MAP2: variants seen among roughly 807,000 people sequenced by gnomAD.
MAP2 encodes the protein microtubule associated protein 2.
In MAP2, 14 loss-of-function variants were observed where a neutral mutation model predicts 137.6. The observed-to-expected ratio is 0.10, with a 90% CI of 0.07 to 0.16. The LOEUF is 0.16. Among genes scored for constraint, MAP2 ranks in the 10% least tolerant of loss-of-function variants. MAP2 has a pLI of 1.00. For missense variants in MAP2, 2,088 were observed against 2,191.5 expected, an observed-to-expected ratio of 0.95 and a Z score of 0.94; for synonymous variants, 786 against 782.3, an observed-to-expected ratio of 1.00 and a Z score of -0.08.
chr2:209,588,076 C>G (rs1261010422), intron 3 of MAP2, among the ~76,000 whole-genome samples: 1 of 152,190 alleles, frequency 6.6e-6, no homozygotes, highest in Non-Finnish European at 1.5e-5. Context: ...GATGCACATT[C>G]AAGTCGAAGC....
At chr2:209,629,304 TCCTTTAAGATAATTTTCTGTAAAATAGG>T (rs2092734789) in intron 4 of MAP2, among the ~76,000 whole-genome samples, 1 of 152,196 alleles carries the variant, frequency 6.6e-6, no homozygotes, top group South Asian at 2.1e-4. Context: ...GCAAAGTTTA[TCCTTTAAGATAATTTTCTGTAAAATAGG>T]CTGGGTTTTT....
chr2:209,581,382 AATTGC>A (rs1205996797), intron 3 of MAP2, among the ~76,000 whole-genome samples: 1 of 152,180 alleles, frequency 6.6e-6, no homozygotes, highest in African/African-American at 2.4e-5. Flanking sequence ...TGAGAAAGGA[AATTGC>A]ATTATTTCAG....
chr2:209,488,318 A>G (rs1214674798), intron 1 of MAP2, among the ~76,000 whole-genome samples: 1 of 152,104 alleles, frequency 6.6e-6, no homozygotes, highest in African/African-American at 2.4e-5. Flanking sequence ...GGGTGCCTAT[A>G]CCACAAAGGC....
At chr2:209,630,485 T>A (rs185433490) in intron 4 of MAP2, among the ~76,000 whole-genome samples, 13 of 152,228 alleles carry the variant, frequency 8.5e-5, no homozygotes, top group African/African-American at 3.1e-4. Flanking sequence ...CTGTGATCAA[T>A]GGAATAGACC....
At chr2:209,667,153 T>C (rs920647905) in intron 5 of MAP2, among the ~76,000 whole-genome samples, 1 of 152,088 alleles carries the variant, frequency 6.6e-6, no homozygotes, top group African/African-American at 2.4e-5. Flanking sequence ...ATTAACATAA[T>C]GATTGTATTA....
chr2:209,700,523 A>G (rs1343636724), intron 11 of MAP2, among the ~76,000 whole-genome samples, 185 bp downstream of exon 11: 3 of 152,196 alleles, frequency 2.0e-5, no homozygotes, highest in Admixed American at 6.6e-5. Context: ...GGGATGGCGT[A>G]TGATGGTAAT....
At chr2:209,645,687 A>G (rs2094375843) in intron 4 of MAP2, among the ~76,000 whole-genome samples, 5 of 152,222 alleles carry the variant, frequency 3.3e-5, no homozygotes, top group Non-Finnish European at 7.3e-5. Flanking sequence ...AAAATGTTAA[A>G]AGGTAATATG....
At chr2:209,491,501 A>G (rs1333317441) in intron 1 of MAP2, among the ~76,000 whole-genome samples, 2 of 152,200 alleles carry the variant, frequency 1.3e-5, no homozygotes, top group African/African-American at 4.8e-5. Context: ...AAATCAGTGA[A>G]TCCAGGAGCT....
chr2:209,548,895 G>T (rs1361453728), intron 2 of MAP2, among the ~76,000 whole-genome samples: 1 of 152,136 alleles, frequency 6.6e-6, no homozygotes, highest in East Asian at 1.9e-4. Context: ...CCCCAGCCAT[G>T]CAGAACTGTG....
At chr2:209,498,859 G>A (rs1398197272) in intron 1 of MAP2, among the ~76,000 whole-genome samples, 1 of 152,136 alleles carries the variant, frequency 6.6e-6, no homozygotes, top group African/African-American at 2.4e-5. Context: ...AGGCCTCTGG[G>A]CCTATGATGG....
intron 1 of MAP2, among the ~76,000 whole-genome samples, chr2:209,489,675 G>A: frequency 6.6e-6 from 1 of 152,240 alleles, no homozygotes; most frequent in East Asian, 1.9e-4. Flanking sequence ...AATTGATCAA[G>A]TGGAAGAAAG....
chr2:209,679,326 G>GATAC (rs2153685379), intron 6 of MAP2, among the ~76,000 whole-genome samples: 1 of 13,418 alleles, frequency 7.5e-5, no homozygotes, highest in South Asian at 1.6e-3. Context: ...CCTACTCATA[G>GATAC]ATAGATAGAT....
intron 1 of MAP2, among the ~76,000 whole-genome samples, chr2:209,428,993 G>T (rs1156489139): frequency 6.6e-6 from 1 of 150,658 alleles, no homozygotes; most frequent in African/African-American, 2.4e-5. Context: ...TCGCTCTTTC[G>T]CCCAGGCCGG....
chr2:209,454,946 C>G (rs932047008), intron 1 of MAP2, among the ~76,000 whole-genome samples: 19 of 152,170 alleles, frequency 1.2e-4, no homozygotes, highest in African/African-American at 4.6e-4. Context: ...CCAGAAGATT[C>G]AGTTCCTGGT....
intron 1 of MAP2, among the ~76,000 whole-genome samples, chr2:209,439,943 C>A (rs995240074): frequency 6.6e-6 from 1 of 151,436 alleles, no homozygotes; most frequent in African/African-American, 2.4e-5. Flanking sequence ...CACACAATAA[C>A]TTTAAAAAAT....
chr2:209,506,073 A>G (rs537113174), intron 1 of MAP2, among the ~76,000 whole-genome samples: 2 of 152,312 alleles, frequency 1.3e-5, no homozygotes, highest in South Asian at 4.1e-4. Flanking sequence ...TGTTGGCTTT[A>G]TAGCCAAAAA....
At chr2:209,674,107 GA>G (rs973496498) in intron 5 of MAP2, among the ~76,000 whole-genome samples, 2 of 149,356 alleles carry the variant, frequency 1.3e-5, no homozygotes, top group African/African-American at 4.9e-5. Context: ...CTTTGCCTTG[GA>G]AAAAAAAATA....
intron 12 of MAP2, among the ~76,000 whole-genome samples, chr2:209,706,349 C>T (rs1322836096): frequency 2.0e-5 from 3 of 152,008 alleles, no homozygotes; most frequent in African/African-American, 7.2e-5. Flanking sequence ...ATTCAAATTA[C>T]TTCCGTAAAT....
chr2:209,428,054 T>C (rs1186465789), intron 1 of MAP2, among the ~76,000 whole-genome samples: 2 of 152,190 alleles, frequency 1.3e-5, no homozygotes, highest in African/African-American at 4.8e-5. Context: ...AATTATACAG[T>C]ATGTTTATTG....
Sources: allele counts gnomAD v4.1 joint callset (sites outside exome capture counted in the v4.1 genomes callset), GRCh38; gene constraint gnomAD v4.1.1; transcripts MANE v1.5; gene names NCBI Gene and HGNC (gene_info 2026-07-23, HGNC 2026-07-21).